Variants in TRPM8 observed in about 807,000 individuals in gnomAD.
The protein encoded by TRPM8 is TRPM8 cationic channel.
Under a neutral mutation model 133.7 loss-of-function variants are expected in TRPM8, and 110 were observed. The ratio of observed to expected loss-of-function variants is 0.82; its 90% CI spans 0.70 to 0.96. The LOEUF (loss-of-function observed/expected upper bound fraction) is 0.96. Ranked by LOEUF, TRPM8 falls within the 40% of genes least tolerant of loss-of-function variation. The pLI is 0.00. For missense variants in TRPM8, 1,291 were observed against 1,379.5 expected (o/e 0.94, Z 1.02); for synonymous variants, 535 against 532.3 (o/e 1.01, Z -0.07).
At chr2:233,974,811 A>C (rs1379862369) in intron 17 of TRPM8, among the ~76,000 whole-genome samples, 1 of 152,156 alleles carries the variant, frequency 6.6e-6, no homozygotes, top group African/African-American at 2.4e-5. Flanking sequence ...CATTGAGTAG[A>C]ATCAAGTGAC....
chr2:234,005,461 A>C (rs1692669689), intron 22 of TRPM8, among the ~76,000 whole-genome samples: 1 of 152,074 alleles, frequency 6.6e-6, no homozygotes, highest in Non-Finnish European at 1.5e-5. Context: ...GCTGATTTTT[A>C]AGCACTCCTG....
intron 2 of TRPM8, among the ~76,000 whole-genome samples, 158 bp from the exon 3 acceptor site, chr2:233,930,510 T>C (rs1691658784): frequency 6.6e-6 from 1 of 152,228 alleles, no homozygotes. Context: ...AAAAAAATTT[T>C]GTATACTCTA....
At chr2:233,917,567 A>C (rs80348079) in intron 1 of TRPM8, 135 bp downstream of exon 1, 1 of 152,268 alleles carries the variant, frequency 6.6e-6, no homozygotes, top group Non-Finnish European at 1.5e-5. Flanking sequence ...AAAGGAAGAC[A>C]AAAATTTAAA....
chr2:233,970,994 G>T (rs1691699858), intron 17 of TRPM8, among the ~76,000 whole-genome samples: 2 of 152,164 alleles, frequency 1.3e-5, no homozygotes. Flanking sequence ...TGTGTAGCAG[G>T]CACTTGATTA....
chr2:233,928,130 T>C (rs1691605233), intron 2 of TRPM8, among the ~76,000 whole-genome samples: 1 of 151,400 alleles, frequency 6.6e-6, no homozygotes, highest in Non-Finnish European at 1.5e-5. Context: ...CCACTATGCC[T>C]GGCTAATTTT....
intron 22 of TRPM8, among the ~76,000 whole-genome samples, chr2:234,003,399 C>G (rs1232326976): frequency 6.6e-6 from 1 of 152,092 alleles, no homozygotes; most frequent in Admixed American, 6.5e-5. Flanking sequence ...CATCGTTTTG[C>G]CTTGAAAGAC....
At chr2:234,010,110 T>C (rs1331108650) in intron 24 of TRPM8, among the ~76,000 whole-genome samples, 1 of 152,218 alleles carries the variant, frequency 6.6e-6, no homozygotes, top group South Asian at 2.1e-4. Flanking sequence ...AGAAACTTTC[T>C]GCCCTTTGAC....
intron 6 of TRPM8, chr2:233,942,993 C>A: frequency 3.4e-6 from 2 of 580,086 alleles, no homozygotes; most frequent in East Asian, 3.0e-5. Flanking sequence ...AATCTCATAT[C>A]ACAGTCAGGT....
chr2:233,980,038 T>G (rs1035236236), intron 17 of TRPM8, 150 bp from the exon 18 acceptor site: 2 of 650,614 alleles, frequency 3.1e-6, no homozygotes, highest in Admixed American at 3.1e-5. Flanking sequence ...GTGGGGCACG[T>G]GGTAGGGCTC....
intron 23 of TRPM8, 32 bp downstream of exon 23, chr2:234,006,984 G>C (rs201414225): frequency 5.2e-6 from 8 of 1,547,648 alleles, no homozygotes; most frequent in South Asian, 2.2e-5. Flanking sequence ...GCTTTGCAAG[G>C]CTCCCTCTGT....
At chr2:233,955,563 G>C (rs1456675480) in intron 11 of TRPM8, 1 of 207,410 alleles carries the variant, frequency 4.8e-6, no homozygotes, top group African/African-American at 2.3e-5. Context: ...TTCTGGATGT[G>C]TGTGGGCAGA....
intron 1 of TRPM8, among the ~76,000 whole-genome samples, chr2:233,920,313 T>C (rs1458123013): frequency 6.6e-6 from 1 of 152,226 alleles, no homozygotes; most frequent in Non-Finnish European, 1.5e-5. Context: ...GTTATCTCTA[T>C]GGTGGTCATT....
chr2:233,927,782 C>T (rs1691565313), intron 2 of TRPM8, among the ~76,000 whole-genome samples: 4 of 37,408 alleles, frequency 1.1e-4, no homozygotes, highest in Non-Finnish European at 1.6e-4. Context: ...TTCTTTCTTT[C>T]TTTCTTTCTT....
chr2:233,957,624 T>C (rs959887469), intron 11 of TRPM8, among the ~76,000 whole-genome samples: 1 of 152,300 alleles, frequency 6.6e-6, no homozygotes, highest in South Asian at 2.1e-4. Flanking sequence ...TCAAAAGATA[T>C]CATTTTTTAA....
chr2:233,943,612 A>G (rs961964546), intron 6 of TRPM8, among the ~76,000 whole-genome samples: 1 of 152,234 alleles, frequency 6.6e-6, no homozygotes, highest in African/African-American at 2.4e-5. Context: ...GAAGGCTGTG[A>G]GACAACCACC....
intron 2 of TRPM8, among the ~76,000 whole-genome samples, chr2:233,927,860 C>CTTTCTTCCTTTCTT (rs1553653795): frequency 4.2e-5 from 1 of 24,092 alleles, no homozygotes; most frequent in African/African-American, 2.9e-4. Flanking sequence ...TCCTTTCTTT[C>CTTTCTTCCTTTCTT]TCTTTCTTTC....
chr2:233,966,463 T>C, intron 14 of TRPM8, 147 bp from the exon 15 acceptor site: 3 of 957,938 alleles, frequency 3.1e-6, no homozygotes, highest in East Asian at 5.0e-5. Flanking sequence ...CAAATTGTGT[T>C]GTGATGGCAT....
chr2:234,018,483 GTA>G lies in TRPM8; in HGVS notation c.*1230_*1231del, dbSNP rs1693012875. 3 of 151,698 alleles carry G rather than the reference GTA, an allele frequency of 2.0e-5. No homozygotes were observed. Among genetic ancestry groups the G allele is most frequent in the African/African-American group, 7.3e-5 (3 of 41,358 alleles). 9.4% of individuals were successfully genotyped at this position (151,698 alleles called of 1,614,324 possible). A position where few individuals can be genotyped will look rare whatever the true frequency, so the allele number is the denominator to read the frequency against. ...CCATTTATAAGGCTTTTTCATAAAT[GTA>G]TAGCAAATAGGAATTATTAACTTGA... On this transcript the variant is annotated 3_prime_UTR_variant, in exon 26 of 26. Coordinates refer to ENST00000324695, the MANE Select transcript of TRPM8 (RefSeq NM_024080.5).
At chr2:233,932,713 AG>A (rs1200953341) in intron 3 of TRPM8, among the ~76,000 whole-genome samples, 3 of 151,938 alleles carry the variant, frequency 2.0e-5, no homozygotes, top group African/African-American at 7.3e-5. Context: ...GGAACACCTC[AG>A]GGTCTTCCAG....
Sources: gnomAD v4.1 joint callset for allele counts (sites outside exome capture counted in the v4.1 genomes callset) on GRCh38, gnomAD v4.1.1 for gene constraint, MANE v1.5 for transcripts, NCBI Gene and HGNC (gene_info 2026-07-23, HGNC 2026-07-21) for gene names.